COL8A1: variants seen among roughly 807,000 people sequenced by gnomAD.
The protein encoded by COL8A1 is collagen alpha-1(VIII) chain.
COL8A1 carries 21 observed loss-of-function variants against 42.7 expected under a neutral mutation model. The observed-to-expected ratio is 0.49, with a 90% confidence interval of 0.35 to 0.71. The LOEUF (loss-of-function observed/expected upper bound fraction) is 0.71, where lower values mean the gene tolerates loss of function less well. Among genes scored for constraint, COL8A1 ranks in the 30% least tolerant of loss-of-function variants. The pLI is 0.01. For synonymous variants in COL8A1, 367 were observed against 369.1 expected (o/e 0.99, Z 0.06); for missense variants, 788 against 962.4 (o/e 0.82, Z 2.40).
chr3:99,737,117 T>C (rs1940746716), intron 1 of COL8A1, among the ~76,000 whole-genome samples: 1 of 152,210 alleles, frequency 6.6e-6, no homozygotes, highest in Non-Finnish European at 1.5e-5. Context: ...ATTTTGAGCC[T>C]ATGTGTGTCT....
At chr3:99,682,401 G>T (rs537810460) in intron 1 of COL8A1, among the ~76,000 whole-genome samples, 5 of 152,268 alleles carry the variant, frequency 3.3e-5, no homozygotes, top group African/African-American at 1.2e-4. Flanking sequence ...CTGGATGACA[G>T]AGCAAGGCCC....
At chr3:99,737,880 G>C (rs1234874145) in intron 1 of COL8A1, among the ~76,000 whole-genome samples, 1 of 150,930 alleles carries the variant, frequency 6.6e-6, no homozygotes, top group Non-Finnish European at 1.5e-5. Flanking sequence ...ACGTAGATTT[G>C]GTCTTTTCAC....
intron 2 of COL8A1, among the ~76,000 whole-genome samples, chr3:99,753,800 T>G (rs1049361081): frequency 6.6e-6 from 1 of 152,170 alleles, no homozygotes. Context: ...ATGCTTTATA[T>G]ATGTTCAATT....
intron 1 of COL8A1, among the ~76,000 whole-genome samples, chr3:99,669,122 ATT>A (rs1559773087): frequency 1.7e-5 from 2 of 116,216 alleles, no homozygotes; most frequent in Non-Finnish European, 3.5e-5. Flanking sequence ...TCTTAAAAAA[ATT>A]ATATATATAT....
intron 3 of COL8A1, among the ~76,000 whole-genome samples, chr3:99,792,160 A>G (rs1942013582): frequency 6.6e-6 from 1 of 152,238 alleles, no homozygotes; most frequent in African/African-American, 2.4e-5. Context: ...TCATGTAAAG[A>G]AAGTATTCCT....
intron 1 of COL8A1, among the ~76,000 whole-genome samples, chr3:99,717,075 T>C (rs889000632): frequency 5.8e-4 from 89 of 152,168 alleles, no homozygotes; most frequent in African/African-American, 2.0e-3. Context: ...TAAGTTTGTA[T>C]ATGGGCAGTC....
chr3:99,795,469 TCCCAGGGCC>T lies in COL8A1; in HGVS notation c.1572_1580del (p.Pro526_Gly528del). ...CCAGGCCCCAAAGGGGAGCCGGGCC[TCCCAGGGCC>T]CCCTGGGTTCCCTGGTATAGGGAAA... is the stretch of plus-strand genomic sequence containing the variant. On this transcript the variant is annotated inframe_deletion, in exon 4 of 4. Transcript: ENST00000652472. The T allele has an allele frequency of 2.6e-6, 4 of 1,534,424 alleles. No homozygotes were observed. Among genetic ancestry groups the T allele is most frequent in the Non-Finnish European group, 2.6e-6 (3 of 1,138,936 alleles).
intron 1 of COL8A1, among the ~76,000 whole-genome samples, chr3:99,734,634 C>A (rs962764938): frequency 1.5e-4 from 22 of 151,550 alleles, no homozygotes; most frequent in African/African-American, 5.1e-4. Flanking sequence ...GCGATGCGGG[C>A]TTTTTTTTGG....
intron 1 of COL8A1, among the ~76,000 whole-genome samples, chr3:99,687,152 T>C (rs1192411719): frequency 6.6e-6 from 1 of 152,170 alleles, no homozygotes; most frequent in Admixed American, 6.5e-5. Context: ...CCTGTAACTG[T>C]CCATCTCTGA....
chr3:99,775,347 T>C (rs1031023038), intron 2 of COL8A1, among the ~76,000 whole-genome samples: 1 of 152,102 alleles, frequency 6.6e-6, no homozygotes, highest in African/African-American at 2.4e-5. Context: ...ATTTGCCCCA[T>C]CCATGTGCAT....
intron 1 of COL8A1, among the ~76,000 whole-genome samples, chr3:99,692,281 A>G (rs1368655053): frequency 6.6e-6 from 1 of 152,238 alleles, no homozygotes; most frequent in Non-Finnish European, 1.5e-5. Context: ...ACCTTGTCTA[A>G]AACAACTGAA....
At chr3:99,747,561 T>C (rs1035417097) in intron 2 of COL8A1, among the ~76,000 whole-genome samples, 15 of 152,226 alleles carry the variant, frequency 9.9e-5, no homozygotes, top group African/African-American at 3.6e-4. Flanking sequence ...TACTACACTT[T>C]GGAAATAAAT....
chr3:99,679,101 A>T (rs1938788412), intron 1 of COL8A1: 2 of 152,244 alleles, frequency 1.3e-5, no homozygotes, highest in Admixed American at 1.3e-4. Context: ...TAAAGCTTTC[A>T]GAGCTTGAGA....
At chr3:99,679,535 A>G (rs1938802850) in intron 1 of COL8A1, 1 of 152,236 alleles carries the variant, frequency 6.6e-6, no homozygotes, top group African/African-American at 2.4e-5. Context: ...TATTGAAATC[A>G]TCAACAGGAG....
intron 1 of COL8A1, among the ~76,000 whole-genome samples, chr3:99,648,943 A>G (rs757800292): frequency 7.2e-5 from 11 of 152,156 alleles, no homozygotes; most frequent in Non-Finnish European, 1.2e-4. Flanking sequence ...AGAAATAAAT[A>G]TACCTCAAGC....
chr3:99,745,609 T>C (rs940984135), intron 2 of COL8A1, among the ~76,000 whole-genome samples: 2 of 152,208 alleles, frequency 1.3e-5, no homozygotes, highest in African/African-American at 2.4e-5. Flanking sequence ...AAATGATTCC[T>C]TTCAGACGAC....
intron 1 of COL8A1, among the ~76,000 whole-genome samples, chr3:99,670,599 T>A (rs1938513755): frequency 6.6e-6 from 1 of 152,094 alleles, no homozygotes; most frequent in Non-Finnish European, 1.5e-5. Flanking sequence ...CATCACTTCA[T>A]TTAGTTGTCA....
At chr3:99,734,636 T>C (rs1342423058) in intron 1 of COL8A1, among the ~76,000 whole-genome samples, 9 of 151,806 alleles carry the variant, frequency 5.9e-5, no homozygotes, top group South Asian at 2.1e-4. Context: ...GATGCGGGCT[T>C]TTTTTTGGTT....
intron 2 of COL8A1, among the ~76,000 whole-genome samples, chr3:99,747,111 C>T (rs902013863): frequency 4.6e-5 from 7 of 151,994 alleles, no homozygotes; most frequent in Non-Finnish European, 8.8e-5. Flanking sequence ...TTTTGCATGC[C>T]CTCCAAAAGC....
Sources: gnomAD v4.1 joint callset for allele counts (sites outside exome capture counted in the v4.1 genomes callset) on GRCh38, gnomAD v4.1.1 for gene constraint, MANE v1.5 for transcripts, NCBI Gene and HGNC (gene_info 2026-07-23, HGNC 2026-07-21) for gene names.